The following KCNIP2 variants were observed in gnomAD, a reference collection of about 807,000 sequenced individuals.
KCNIP2 encodes the protein potassium voltage-gated channel interacting protein 2, also known as A-type potassium channel modulatory protein KCNIP2.
A neutral mutation model predicts 39.0 loss-of-function variants in KCNIP2; 19 were observed. That is an observed-to-expected ratio of 0.49 (90% CI 0.34 to 0.71). The LOEUF (loss-of-function observed/expected upper bound fraction) is 0.71. Among genes scored for constraint, KCNIP2 ranks in the 30% least tolerant of loss-of-function variants. KCNIP2 has a pLI of 0.01. For synonymous variants in KCNIP2, 111 were observed against 131.2 expected, an observed-to-expected ratio of 0.85 and a Z score of 1.05; for missense variants, 261 against 346.0, an observed-to-expected ratio of 0.75 and a Z score of 1.95.
At chr10:101,832,066 C>T (rs1291614523) in intron 1 of KCNIP2, among the ~76,000 whole-genome samples, 1 of 152,254 alleles carries the variant, frequency 6.6e-6, no homozygotes. Context: ...CATCAGCTAA[C>T]TCATCTACCC....
chr10:101,836,273 TC>T (rs1433262473), intron 1 of KCNIP2, among the ~76,000 whole-genome samples: 3 of 140,648 alleles, frequency 2.1e-5, no homozygotes, highest in Non-Finnish European at 1.6e-5. Flanking sequence ...CTTTTTTTTC[TC>T]TTTTTTTTTT....
At chr10:101,834,880 TCAGTATGG>T (rs1234607194) in intron 1 of KCNIP2, among the ~76,000 whole-genome samples, 1 of 152,254 alleles carries the variant, frequency 6.6e-6, no homozygotes, top group Non-Finnish European at 1.5e-5. Flanking sequence ...CCTGTGTTTG[TCAGTATGG>T]CAGTGCATAT....
rs149732734 is a variant in KCNIP2, at chr10:101,843,185, G to GCACA, written c.73+307_73+310dup. Reference sequence around the variant, plus strand: ...GCAACCAGCTGTGGGAGGTGCGCGCGCACACACACACACACACACAGAATG... The same window carrying GCACA: ...GCAACCAGCTGTGGGAGGTGCGCGCGCACACACACACACACACACACACAGAATG... On this transcript the variant is annotated intron_variant, in intron 1 of 9. Coordinates refer to ENST00000356640, the MANE Select transcript of KCNIP2 (RefSeq NM_173191.3). This position sits in a 1 kb window ranked among gnomAD's most constrained non-coding sequence, Gnocchi z 6.7. 5.0e-4 allele frequency among the ~76,000 whole-genome samples: 75 copies of GCACA among 150,302 alleles called. No individual in the cohort carries two copies. The highest frequency in any genetic ancestry group is 1.3e-3 in the Admixed American group (20 of 15,122).
At chr10:101,836,287 T>G (rs1293645954) in intron 1 of KCNIP2, among the ~76,000 whole-genome samples, 1 of 148,822 alleles carries the variant, frequency 6.7e-6, no homozygotes, top group Non-Finnish European at 1.5e-5. Context: ...TTTTTTTTTT[T>G]TTTTTTTTGA....
chr10:101,829,014 G>A (rs1026698220), intron 4 of KCNIP2, 61 bp downstream of exon 4: 24 of 1,585,368 alleles, frequency 1.5e-5, no homozygotes, highest in Non-Finnish European at 2.1e-5. Context: ...CTGGGAAGCT[G>A]TGGACCGGCT....
In KCNIP2 at chr10:101,829,059, C is replaced by G. The variant is rs2065863183; in HGVS notation, c.348+16G>C. ...CTGTCCCACCCTCGCTGAGTTTGGC[C>G]TCGCCTTGCACTCACGTTCTTGAAG... On this transcript the variant is annotated intron_variant, in intron 4 of 9. Transcript: ENST00000356640. 1 of 1,611,054 alleles carries G rather than the reference C, an allele frequency of 6.2e-7. No homozygotes were observed.
chr10:101,833,084 C>T (rs1589867798), intron 1 of KCNIP2, among the ~76,000 whole-genome samples: 1 of 151,966 alleles, frequency 6.6e-6, no homozygotes, highest in East Asian at 1.9e-4. Context: ...ATGCACCTTC[C>T]TCTTGTTCCC....
At chr10:101,832,595 A>G (rs1441686087) in intron 1 of KCNIP2, among the ~76,000 whole-genome samples, 1 of 151,856 alleles carries the variant, frequency 6.6e-6, no homozygotes, top group Non-Finnish European at 1.5e-5. Context: ...CCACCCCAGG[A>G]GCCATGGAGA....
intron 1 of KCNIP2, among the ~76,000 whole-genome samples, chr10:101,840,057 C>CG (rs71016350): frequency 0.27 from 23,958 of 89,610 alleles, 4,836 homozygotes; most frequent in African/African-American, 0.31. Flanking sequence ...AGTTCCTGGA[C>CG]GGGGGGGGGG....
At position 101,843,638 on chromosome 10, in the gene KCNIP2, AC is replaced by A; in HGVS notation, c.-71del. On this transcript the variant is annotated 5_prime_UTR_variant, in exon 1 of 10. Transcript: ENST00000356640. This position sits in a 1 kb window ranked among gnomAD's most constrained non-coding sequence, Gnocchi z 6.7. ...CGGGTGGCCGGGATAGGGCGCTCAC[AC>A]GGCGCCCCCTGGCGGCCTACTGTGC... The A allele has an allele frequency of 2.3e-6, 2 of 884,432 alleles. No homozygotes were observed. Among genetic ancestry groups the A allele is most frequent in the Non-Finnish European group, 3.3e-6 (2 of 614,372 alleles). The allele number at this position is 884,432 out of a possible 1,614,324, so 54.8% of individuals were successfully genotyped here.
intron 2 of KCNIP2, chr10:101,830,500 G>C: frequency 2.4e-6 from 3 of 1,236,124 alleles, no homozygotes; most frequent in African/African-American, 1.6e-5. Context: ...TCAGGCCTCA[G>C]CCTGGTCACA....
In KCNIP2 at chr10:101,827,231, A is replaced by G; in HGVS notation, c.*122T>C. On this transcript the variant is annotated 3_prime_UTR_variant, in exon 10 of 10. Coordinates refer to ENST00000356640, the MANE Select transcript of KCNIP2 (RefSeq NM_173191.3). ...GACTACTGAATCCCCAAGCTCTTGG[A>G]TCCCTCCAGCCCCCAGGGAGGCGTA... 7.2e-7 allele frequency: 1 copy of G among 1,388,034 alleles called. No homozygotes were observed. Among genetic ancestry groups the G allele is most frequent in the African/African-American group, 1.4e-5 (1 of 70,244 alleles). The allele number at this position is 1,388,034 out of a possible 1,614,324, so 86.0% of individuals were successfully genotyped here.
At chr10:101,842,879 C>T (rs2066373420) in intron 1 of KCNIP2, among the ~76,000 whole-genome samples, 1 of 152,172 alleles carries the variant, frequency 6.6e-6, no homozygotes, top group Non-Finnish European at 1.5e-5. Flanking sequence ...ACAACACAAC[C>T]TACTTTAACA....
At chr10:101,836,332 C>T (rs536358715) in intron 1 of KCNIP2, among the ~76,000 whole-genome samples, 3 of 137,264 alleles carry the variant, frequency 2.2e-5, no homozygotes, top group East Asian at 2.1e-4. Flanking sequence ...GGCTAAAGTG[C>T]GGTGGCGCTA....
intron 1 of KCNIP2, among the ~76,000 whole-genome samples, chr10:101,840,832 C>G (rs2066310155): frequency 6.6e-6 from 1 of 152,108 alleles, no homozygotes; most frequent in Admixed American, 6.5e-5. Context: ...CATGGCTCCT[C>G]GCAGCCACAC....
At chr10:101,830,796 G>C (rs2065958910) in intron 2 of KCNIP2, among the ~76,000 whole-genome samples, 1 of 143,796 alleles carries the variant, frequency 7.0e-6, no homozygotes, top group Non-Finnish European at 1.5e-5. Flanking sequence ...GCGGGCCTGG[G>C]GCACGCCCTC....
At position 101,843,207 on chromosome 10, in the gene KCNIP2, A is replaced by C. The variant is rs1026699929; in HGVS notation, c.73+289T>G. 2.0e-5 allele frequency among the ~76,000 whole-genome samples: 3 copies of C among 152,128 alleles called. No homozygotes were observed. The highest frequency in any genetic ancestry group is 7.2e-5 in the African/African-American group (3 of 41,418). On this transcript the variant is annotated intron_variant, in intron 1 of 9. Coordinates refer to ENST00000356640, the MANE Select transcript of KCNIP2 (RefSeq NM_173191.3). The surrounding 1 kb of genome is among the most constrained non-coding windows in gnomAD (Gnocchi z 6.7). Reference sequence around the variant, plus strand: ...CGCGCACACACACACACACACACAGAATGACAGGTGCTCACGCACGTAACA... The same window carrying C: ...CGCGCACACACACACACACACACAGCATGACAGGTGCTCACGCACGTAACA...
rs1048035903 is a variant in KCNIP2 at position 101,829,859 on chromosome 10, G to A, written c.208C>T (p.Arg70Cys). 8.1e-6 allele frequency: 12 copies of A among 1,480,622 alleles called. No individual in the cohort carries two copies. Among genetic ancestry groups the A allele is most frequent in the Non-Finnish European group, 8.9e-6 (10 of 1,121,298 alleles). 91.7% of individuals were successfully genotyped at this position (1,480,622 alleles called of 1,614,324 possible). A position where few individuals can be genotyped will look rare whatever the true frequency, so the allele number is the denominator to read the frequency against. ...CGTAAGTCACCTGGGTCCAGCAGGCGGGGTCTGTGGGGGCGGAGGGAGGCT... is the reference window on the plus strand; with the variant it reads ...CGTAAGTCACCTGGGTCCAGCAGGCAGGGTCTGTGGGGGCGGAGGGAGGCT... ...APASLRPHRP[R>C]LLDPDSVDDE... The change falls in exon 3 of 10, where the codon CGC (arginine) becomes TGC (cysteine). Residue 70 changes from arginine (R) to cysteine (C), a missense_variant. By Grantham distance (180) the Arg-to-Cys change is radical. Coordinates refer to ENST00000356640, the MANE Select transcript of KCNIP2 (RefSeq NM_173191.3).
At position 101,843,748 on chromosome 10, in the gene KCNIP2, GAGAGGGA is replaced by G. The variant is rs2066402573; in HGVS notation, c.-187_-181del. 3 of 403,442 alleles carry G rather than the reference GAGAGGGA, an allele frequency of 7.4e-6. No homozygotes were observed. In the East Asian group the frequency reaches 1.1e-4, roughly 15 times the overall value. The allele number at this position is 403,442 out of a possible 1,614,324, so 25.0% of individuals were successfully genotyped here. ...GGTCTACCCGGAGGTCCTGGAGCAG[GAGAGGGA>G]ACACTAGGCAGCAGGTGAGCGCAGA... On this transcript the variant is annotated 5_prime_UTR_variant, in exon 1 of 10. Transcript: ENST00000356640. The surrounding 1 kb of genome is among the most constrained non-coding windows in gnomAD (Gnocchi z 6.7).
Sources: gnomAD v4.1 joint callset for allele counts (sites outside exome capture counted in the v4.1 genomes callset) on GRCh38, gnomAD v4.1.1 for gene constraint, Gnocchi (gnomAD v3.1) non-coding constraint, MANE v1.5 for transcripts, NCBI Gene and HGNC (gene_info 2026-07-23, HGNC 2026-07-21) for gene names.